NRXN3: variants seen among roughly 807,000 people sequenced by gnomAD.
NRXN3 encodes neurexin III.
A neutral mutation model predicts 137.6 loss-of-function variants in NRXN3; 32 were observed. That is an observed-to-expected ratio of 0.23 (90% CI 0.18 to 0.31). The LOEUF (loss-of-function observed/expected upper bound fraction) is 0.31. Among genes scored for constraint, NRXN3 ranks in the 10% least tolerant of loss-of-function variants. The pLI, the probability that NRXN3 is intolerant of heterozygous loss-of-function variation, is 1.00. For synonymous variants in NRXN3, 798 were observed against 784.5 expected (o/e 1.02, Z -0.29); for missense variants, 1,574 against 2,062.5 (o/e 0.76, Z 4.59).
intron 15 of NRXN3, among the ~76,000 whole-genome samples, chr14:79,071,406 C>A (rs1294719634): frequency 6.6e-6 from 1 of 152,092 alleles, no homozygotes; most frequent in Non-Finnish European, 1.5e-5. Flanking sequence ...CCAACAGGCC[C>A]CAGCGTGTGA....
intron 16 of NRXN3, among the ~76,000 whole-genome samples, chr14:79,531,917 G>A (rs2153721074): frequency 6.6e-6 from 1 of 152,262 alleles, no homozygotes; most frequent in Middle Eastern, 3.4e-3. Context: ...GTTAATCAAG[G>A]GGAGTGAGCA....
At chr14:78,705,135 T>G (rs990997330) in intron 6 of NRXN3, among the ~76,000 whole-genome samples, 1 of 152,214 alleles carries the variant, frequency 6.6e-6, no homozygotes, top group Non-Finnish European at 1.5e-5. Flanking sequence ...TCTTCCCCCA[T>G]GGGGAGCCGT....
In NRXN3 at chr14:79,819,780, G is replaced by A. The variant is rs576274765; in HGVS notation, c.4093+14590G>A. On this transcript the variant is annotated intron_variant, in intron 20 of 20. Coordinates refer to ENST00000335750, the MANE Select transcript of NRXN3 (RefSeq NM_001330195.2). Reference sequence around the variant, plus strand: ...TTACAGGCATCAGCCACCGCACCCGGCCCTAAAAGTTCATCTTTAAGGACA... The same window carrying A: ...TTACAGGCATCAGCCACCGCACCCGACCCTAAAAGTTCATCTTTAAGGACA... 9.2e-5 allele frequency among the ~76,000 whole-genome samples: 14 copies of A among 151,578 alleles called. 1 individual carries two copies. In the South Asian group the frequency reaches 2.9e-3, roughly 32 times the overall value.
chr14:78,745,755 A>G (rs538772362), intron 8 of NRXN3, among the ~76,000 whole-genome samples: 1 of 152,276 alleles, frequency 6.6e-6, no homozygotes, highest in South Asian at 2.1e-4. Context: ...TTTGCATCTC[A>G]ATAGTTGATC....
Position 78,921,497 on chromosome 14 carries a change from C to T in NRXN3, c.2276-35745C>T, listed in dbSNP as rs192808385. ...AAGGAGGTGCTGGGTGTGGAATGGACGGGAAAAATGGAGAAGTCAACACTG... is the reference window on the plus strand; with the variant it reads ...AAGGAGGTGCTGGGTGTGGAATGGATGGGAAAAATGGAGAAGTCAACACTG... On this transcript the variant is annotated intron_variant, in intron 10 of 20. Coordinates refer to ENST00000335750, the MANE Select transcript of NRXN3 (RefSeq NM_001330195.2). Among the ~76,000 whole-genome samples, 13 of 152,160 alleles carry T rather than the reference C, an allele frequency of 8.5e-5. No individual in the cohort carries two copies. In the East Asian group the frequency reaches 1.2e-3, roughly 14 times the overall value.
At chr14:78,542,322 C>T (rs1227330412) in intron 4 of NRXN3, among the ~76,000 whole-genome samples, 2 of 152,220 alleles carry the variant, frequency 1.3e-5, no homozygotes, top group African/African-American at 2.4e-5. Flanking sequence ...AGTAGGCCTT[C>T]TTGAGCTGTG....
intron 20 of NRXN3, among the ~76,000 whole-genome samples, chr14:79,842,271 A>G (rs2099357510): frequency 6.6e-6 from 1 of 152,208 alleles, no homozygotes; most frequent in Admixed American, 6.5e-5. Context: ...GCAGAGAATC[A>G]TGAGGAGTTG....
At chr14:79,198,947 A>C (rs982000845) in intron 15 of NRXN3, among the ~76,000 whole-genome samples, 19 of 152,236 alleles carry the variant, frequency 1.2e-4, no homozygotes, top group African/African-American at 4.3e-4. Context: ...AAGGCGGATC[A>C]CGAAGTCAGG....
intron 15 of NRXN3, 59 bp downstream of exon 15, chr14:78,988,200 T>A: frequency 6.3e-7 from 1 of 1,598,222 alleles, no homozygotes; most frequent in Non-Finnish European, 8.6e-7. Context: ...ATTTGGAGAA[T>A]CTTAAAGGAC....
At chr14:79,599,636 C>T (rs1473779062) in intron 16 of NRXN3, among the ~76,000 whole-genome samples, 1 of 152,182 alleles carries the variant, frequency 6.6e-6, no homozygotes, top group Non-Finnish European at 1.5e-5. Flanking sequence ...TTATTTAGAG[C>T]TTTCTCTGTT....
intron 1 of NRXN3, 23 bp downstream of exon 1, chr14:78,170,697 G>A (rs2058637375): frequency 6.6e-6 from 1 of 152,260 alleles, no homozygotes; most frequent in African/African-American, 2.4e-5. Context: ...GGGAAAGGAA[G>A]GCAGTCAGGG....
At chr14:78,457,885 C>T (rs1483644341) in intron 4 of NRXN3, among the ~76,000 whole-genome samples, 3 of 152,064 alleles carry the variant, frequency 2.0e-5, no homozygotes, top group South Asian at 4.2e-4. Context: ...TCTCTGAATC[C>T]TGATGCCCAT....
intron 4 of NRXN3, among the ~76,000 whole-genome samples, chr14:78,502,236 A>G (rs772852974): frequency 1.3e-5 from 2 of 152,200 alleles, no homozygotes; most frequent in Admixed American, 6.5e-5. Flanking sequence ...CTCCCAGCAC[A>G]GGAACACCCT....
chr14:78,336,944 CTT>C (rs1452616168), intron 4 of NRXN3, among the ~76,000 whole-genome samples: 16 of 152,216 alleles, frequency 1.1e-4, no homozygotes, highest in Non-Finnish European at 1.8e-4. Flanking sequence ...TTTTGGTAGA[CTT>C]TGGATCATCT....
intron 19 of NRXN3, among the ~76,000 whole-genome samples, chr14:79,775,194 C>T (rs187760635): frequency 1.3e-5 from 2 of 152,084 alleles, no homozygotes; most frequent in East Asian, 1.9e-4. Context: ...CTTTTATATA[C>T]GAATGTGCAT....
chr14:79,221,650 T>C (rs908084579), intron 15 of NRXN3, among the ~76,000 whole-genome samples: 4 of 152,230 alleles, frequency 2.6e-5, no homozygotes, highest in African/African-American at 9.7e-5. Context: ...TTCCGGATAT[T>C]AGCCCTTTAT....
At chr14:78,797,414 C>T (rs1029396737) in intron 8 of NRXN3, among the ~76,000 whole-genome samples, 1 of 151,926 alleles carries the variant, frequency 6.6e-6, no homozygotes, top group Non-Finnish European at 1.5e-5. Context: ...ATATGTTGGA[C>T]TTAATAGACA....
At chr14:79,046,525 T>A (rs2099633310) in intron 15 of NRXN3, among the ~76,000 whole-genome samples, 1 of 152,198 alleles carries the variant, frequency 6.6e-6, no homozygotes, top group Non-Finnish European at 1.5e-5. Context: ...CAGCTTCATT[T>A]TTCTGTCAAA....
intron 4 of NRXN3, among the ~76,000 whole-genome samples, chr14:78,474,118 T>C (rs1434298687): frequency 6.6e-6 from 1 of 152,188 alleles, no homozygotes; most frequent in Non-Finnish European, 1.5e-5. Context: ...TATGTCCATC[T>C]GTAATATTAG....
Sources: allele counts gnomAD v4.1 joint callset (sites outside exome capture counted in the v4.1 genomes callset), GRCh38; gene constraint gnomAD v4.1.1; transcripts MANE v1.5; gene names NCBI Gene and HGNC (gene_info 2026-07-23, HGNC 2026-07-21).